PTPRO: variants seen among roughly 807,000 people sequenced by gnomAD.
PTPRO encodes receptor-type tyrosine-protein phosphatase O.
A neutral mutation model predicts 145.2 loss-of-function variants in PTPRO; 62 were observed. The ratio of observed to expected loss-of-function variants is 0.43; its 90% CI spans 0.35 to 0.53. The LOEUF is 0.53. PTPRO is among the 20% of genes least tolerant of loss of function. The pLI is 0.01. For missense variants in PTPRO, 1,345 were observed against 1,482.7 expected (o/e 0.91, Z 1.53); for synonymous variants, 565 against 514.7 (o/e 1.10, Z -1.32).
chr12:15,447,775 T>G (rs1005984952), intron 1 of PTPRO, among the ~76,000 whole-genome samples: 14 of 152,048 alleles, frequency 9.2e-5, no homozygotes, highest in Non-Finnish European at 1.6e-4. Flanking sequence ...AAAAGGACAA[T>G]TATAGGTACA....
chr12:15,556,960 C>A (rs991678494), intron 15 of PTPRO, among the ~76,000 whole-genome samples: 1 of 151,554 alleles, frequency 6.6e-6, no homozygotes, highest in Admixed American at 6.6e-5. Context: ...TATTTCTTTT[C>A]GTTTTAGCTT....
At chr12:15,426,600 A>G (rs1177871488) in intron 1 of PTPRO, among the ~76,000 whole-genome samples, 3 of 152,006 alleles carry the variant, frequency 2.0e-5, no homozygotes, top group Non-Finnish European at 4.4e-5. Flanking sequence ...TTAGGTTCTC[A>G]ATCTTTTGTC....
intron 1 of PTPRO, among the ~76,000 whole-genome samples, chr12:15,411,707 A>G (rs1240619592): frequency 6.6e-6 from 1 of 152,218 alleles, no homozygotes; most frequent in Non-Finnish European, 1.5e-5. Context: ...GACAAAACTA[A>G]ATACTTCCAT....
At chr12:15,581,287 C>G (rs865869607) in intron 22 of PTPRO, among the ~76,000 whole-genome samples, 14 of 143,956 alleles carry the variant, frequency 9.7e-5, no homozygotes, top group Middle Eastern at 7.1e-3. Flanking sequence ...GTTATGCGTT[C>G]TGAGTGCTTT....
chr12:15,543,796 C>A (rs556442447), intron 12 of PTPRO, among the ~76,000 whole-genome samples: 9 of 152,258 alleles, frequency 5.9e-5, no homozygotes, highest in African/African-American at 2.2e-4. Context: ...AATGAGACTT[C>A]AAGGAGGAGG....
Position 15,322,577 on chromosome 12 carries a change from G to A in PTPRO, c.-150G>A. On this transcript the variant is annotated 5_prime_UTR_variant, in exon 1 of 27. Coordinates refer to ENST00000281171, the MANE Select transcript of PTPRO (RefSeq NM_030667.3). The surrounding 1 kb of genome is among the most constrained non-coding windows in gnomAD (Gnocchi z 6.3). Reference sequence around the variant, plus strand: ...CGGGCGCAGAGGAGGAAAGGGAGCAGGCGCAGGGGGACTGGAAAGGCAGCA... The same window carrying A: ...CGGGCGCAGAGGAGGAAAGGGAGCAAGCGCAGGGGGACTGGAAAGGCAGCA... 1.4e-6 allele frequency: 1 copy of A among 713,050 alleles called. No individual in the cohort carries two copies. Among genetic ancestry groups the A allele is most frequent in the Non-Finnish European group, 2.5e-6 (1 of 393,464 alleles). The allele number at this position is 713,050 out of a possible 1,614,324, so 44.2% of individuals were successfully genotyped here.
chr12:15,552,146 A>G (rs1036880515), intron 15 of PTPRO, among the ~76,000 whole-genome samples: 1 of 152,040 alleles, frequency 6.6e-6, no homozygotes, highest in Non-Finnish European at 1.5e-5. Context: ...AGCAGTCTCT[A>G]TTAGTTTTAT....
intron 1 of PTPRO, among the ~76,000 whole-genome samples, chr12:15,430,986 C>T (rs928235416): frequency 3.3e-5 from 5 of 152,060 alleles, no homozygotes; most frequent in Non-Finnish European, 5.9e-5. Context: ...GTAATTATTG[C>T]TTAAAAACTG....
chr12:15,391,607 G>A (rs192699338), intron 1 of PTPRO, among the ~76,000 whole-genome samples: 49 of 152,254 alleles, frequency 3.2e-4, no homozygotes, highest in African/African-American at 1.1e-3. Flanking sequence ...CTAGCACTTC[G>A]TAGAAATTAG....
At chr12:15,587,273 GA>G (rs967579969) in intron 24 of PTPRO, 5 of 550,780 alleles carry the variant, frequency 9.1e-6, no homozygotes, top group East Asian at 3.3e-5. Flanking sequence ...ATTTTTAAAT[GA>G]AAAAAATAGA....
intron 8 of PTPRO, 98 bp from the exon 9 acceptor site, chr12:15,516,665 G>C (rs1591675728): frequency 1.9e-6 from 2 of 1,043,928 alleles, no homozygotes; most frequent in East Asian, 4.7e-5. Context: ...TATTGTATCA[G>C]AGAGTGAAAA....
intron 1 of PTPRO, among the ~76,000 whole-genome samples, chr12:15,434,339 AT>A (rs1940536523): frequency 6.6e-6 from 1 of 152,220 alleles, no homozygotes; most frequent in Non-Finnish European, 1.5e-5. Flanking sequence ...TTTGGTTTTC[AT>A]ACACAAGCCA....
chr12:15,355,635 A>G (rs974168019), intron 1 of PTPRO, among the ~76,000 whole-genome samples: 1 of 152,212 alleles, frequency 6.6e-6, no homozygotes, highest in African/African-American at 2.4e-5. Context: ...TGAAAAGGAA[A>G]TGCTTGAAAT....
At position 15,515,575 on chromosome 12, in the gene PTPRO, C is replaced by T. The variant is rs1449781093; in HGVS notation, c.1542C>T (p.Gly514=). Reference sequence around the variant, plus strand: ...AGGTTGTAATATACCTAAGGAAAGGCCCTTTGATTGGACCACCTTCAGATC... The same window carrying T: ...AGGTTGTAATATACCTAAGGAAAGGTCCTTTGATTGGACCACCTTCAGATC... The part of the protein sequence containing the change: ...QYQVVIYLRK[G]PLIGPPSDPV... The change falls in exon 8 of 27, where the codon GGC becomes GGT. Residue 514 remains glycine (G), a synonymous_variant. Coordinates refer to ENST00000281171, the MANE Select transcript of PTPRO (RefSeq NM_030667.3). The T allele has an allele frequency of 6.2e-7, 1 of 1,613,936 alleles. No homozygotes were observed. The highest frequency in any genetic ancestry group is 2.2e-5 in the East Asian group (1 of 44,840).
At chr12:15,536,614 C>T (rs1006975109) in intron 12 of PTPRO, among the ~76,000 whole-genome samples, 1 of 152,126 alleles carries the variant, frequency 6.6e-6, no homozygotes, top group African/African-American at 2.4e-5. Context: ...TAAGCAGAGG[C>T]GCATAACCTA....
In PTPRO at chr12:15,552,386, T is replaced by C. The variant is rs748417982; in HGVS notation, c.2558+715T>C. Among the ~76,000 whole-genome samples, 5 of 152,252 alleles carry C rather than the reference T, an allele frequency of 3.3e-5. 1 individual carries two copies. The highest frequency in any genetic ancestry group is 6.3e-3 in the Middle Eastern group (2 of 316). On this transcript the variant is annotated intron_variant, in intron 15 of 26. Coordinates refer to ENST00000281171, the MANE Select transcript of PTPRO (RefSeq NM_030667.3). The stretch of plus-strand genomic sequence containing the variant: ...GTTTGGGAAATTTTGTTAACATTTA[T>C]ATTTGCCCAATATTAACCTGCTGAA...
chr12:15,366,567 A>C (rs966495204), intron 1 of PTPRO, among the ~76,000 whole-genome samples: 7 of 152,218 alleles, frequency 4.6e-5, no homozygotes, highest in African/African-American at 1.7e-4. Context: ...TAGTTAGACA[A>C]AAGCTGTAAA....
intron 15 of PTPRO, among the ~76,000 whole-genome samples, chr12:15,556,961 G>A (rs1352877250): frequency 2.6e-5 from 4 of 151,244 alleles, no homozygotes; most frequent in South Asian, 2.1e-4. Flanking sequence ...ATTTCTTTTC[G>A]TTTTAGCTTT....
chr12:15,518,620 G>A (rs1942649234), intron 9 of PTPRO, among the ~76,000 whole-genome samples: 1 of 152,152 alleles, frequency 6.6e-6, no homozygotes, highest in Admixed American at 6.5e-5. Context: ...ACAGCACCAA[G>A]TCACCTCTTG....
Sources: allele counts gnomAD v4.1 joint callset (sites outside exome capture counted in the v4.1 genomes callset), GRCh38; gene constraint gnomAD v4.1.1; non-coding constraint Gnocchi (gnomAD v3.1); transcripts MANE v1.5; gene names NCBI Gene and HGNC (gene_info 2026-07-23, HGNC 2026-07-21).